Variants in ZNF614 observed in about 807,000 individuals in gnomAD.
The protein encoded by ZNF614 is zinc finger protein 614.
ZNF614 carries 11 observed loss-of-function variants against 12.8 expected under a neutral mutation model. The ratio of observed to expected loss-of-function variants is 0.86; its 90% confidence interval spans 0.54 to 1.43. The LOEUF (loss-of-function observed/expected upper bound fraction) is 1.43, where lower values mean the gene tolerates loss of function less well. Ranked by LOEUF, ZNF614 falls within the 40% of genes most tolerant of loss-of-function variation. The probability of loss-of-function intolerance (pLI) is 0.00; values close to 1 mark genes in which losing one functional copy is unlikely to be tolerated. For missense variants in ZNF614, 664 were observed against 708.8 expected (o/e 0.94, Z 0.72); for synonymous variants, 237 against 237.5 (o/e 1.00, Z 0.02).
chr19:52,017,007 C>G lies in ZNF614; in HGVS notation c.591G>C (p.Arg197Ser). Residue 197 changes from arginine to serine, a missense_variant, in exon 5 of 5, where the codon AGG becomes AGC. Physicochemically the swap from Arg to Ser is moderately radical, Grantham distance 110 (BLOSUM62 -1). Coordinates refer to ENST00000270649, the MANE Select transcript of ZNF614 (RefSeq NM_025040.4). ...HTKFQVFKHQ[R>S]TQKIEKPHAC... ...CATGGGGTTTCTCAATTTTCTGAGT[C>G]CTCTGATGCTTGAAGACTTGGAATT... 6.2e-7 allele frequency: 1 copy of G among 1,614,106 alleles called. No individual in the cohort carries two copies. Among genetic ancestry groups the G allele is most frequent in the Non-Finnish European group, 8.5e-7 (1 of 1,180,026 alleles).
intron 4 of ZNF614, chr19:52,017,723 G>T: frequency 2.9e-6 from 1 of 345,026 alleles, no homozygotes; most frequent in Non-Finnish European, 5.2e-6. Context: ...AAAAATCTTA[G>T]CTTATGAGAT....
intron 2 of ZNF614, among the ~76,000 whole-genome samples, chr19:52,024,610 T>C (rs755323525): frequency 1.3e-5 from 2 of 152,202 alleles, no homozygotes; most frequent in African/African-American, 4.8e-5. Flanking sequence ...TCTGTAACCG[T>C]AGCCCTAACC....
Position 52,017,230 on chromosome 19 carries a change from A to T in ZNF614, c.368T>A (p.Ile123Lys), listed in dbSNP as rs1307000615. Residue 123 changes from isoleucine to lysine, a missense_variant, in exon 5 of 5, where the codon ATA (isoleucine) becomes AAA (lysine). Physicochemically the swap from Ile to Lys is moderately radical, Grantham distance 102. Coordinates refer to ENST00000270649, the MANE Select transcript of ZNF614 (RefSeq NM_025040.4). Reference protein sequence around the residue: ...IVHLSKTHFPIVQNHDTFDLY... With the variant: ...IVHLSKTHFPKVQNHDTFDLY... ...GTCAAATGTATCATGATTTTGCACTATAGGAAAATGTGTCTTGCTGAGATG... is the reference window on the plus strand; with the variant it reads ...GTCAAATGTATCATGATTTTGCACTTTAGGAAAATGTGTCTTGCTGAGATG... 13 of 1,614,160 alleles carry T rather than the reference A, an allele frequency of 8.1e-6. No individual in the cohort carries two copies. The highest frequency in any genetic ancestry group is 1.0e-5 in the Non-Finnish European group (12 of 1,180,044).
Position 52,019,257 on chromosome 19 carries a change from G to A in ZNF614, c.16-763C>T, listed in dbSNP as rs192501186. ...ATTATTGGTGAATTGGAATATATAA[G>A]TGGAAATGGCAGAAAATGCAGTACA... On this transcript the variant is annotated intron_variant, in intron 2 of 4. Coordinates refer to ENST00000270649, the MANE Select transcript of ZNF614 (RefSeq NM_025040.4). Among the ~76,000 whole-genome samples, 46 of 152,086 alleles carry A rather than the reference G, an allele frequency of 3.0e-4. 1 individual carries two copies. In the East Asian group the frequency reaches 8.1e-3, roughly 27 times the overall value.
At chr19:52,025,635 C>T in intron 2 of ZNF614, 96 bp downstream of exon 2, 9 of 1,391,320 alleles carry the variant, frequency 6.5e-6, no homozygotes, top group Non-Finnish European at 9.1e-6. Flanking sequence ...TTAATTTCTC[C>T]CTAGAACACA....
intron 2 of ZNF614, among the ~76,000 whole-genome samples, chr19:52,022,320 G>C (rs373432335): frequency 2.0e-5 from 3 of 150,880 alleles, no homozygotes; most frequent in Non-Finnish European, 4.4e-5. Context: ...TGGGAAGTGA[G>C]AAGCGCCTCT....
chr19:52,021,493 T>C (rs1568515091), intron 2 of ZNF614, among the ~76,000 whole-genome samples: 2 of 152,126 alleles, frequency 1.3e-5, no homozygotes, highest in South Asian at 4.1e-4. Flanking sequence ...CACACATCTG[T>C]AATTACAGTA....
In ZNF614 at chr19:52,015,744, A is replaced by G. The variant is rs1244943461; in HGVS notation, c.*96T>C. 4 of 1,184,920 alleles carry G rather than the reference A, an allele frequency of 3.4e-6. No homozygotes were observed. The highest frequency in any genetic ancestry group is 3.1e-5 in the African/African-American group (2 of 65,012). 73.4% of individuals were successfully genotyped at this position (1,184,920 alleles called of 1,614,324 possible). A position where few individuals can be genotyped will look rare whatever the true frequency, so the allele number is the denominator to read the frequency against. Reference sequence around the variant, plus strand: ...CAGGCAGCACCATGTTTATGTTCCAATTGGCTAGAAACACACTGATGTTTA... The same window carrying G: ...CAGGCAGCACCATGTTTATGTTCCAGTTGGCTAGAAACACACTGATGTTTA... On this transcript the variant is annotated 3_prime_UTR_variant, in exon 5 of 5. Coordinates refer to ENST00000270649, the MANE Select transcript of ZNF614 (RefSeq NM_025040.4).
Position 52,026,245 on chromosome 19 carries a change from G to A in ZNF614, c.-216-284C>T, listed in dbSNP as rs566020178. 9.8e-5 allele frequency among the ~76,000 whole-genome samples: 15 copies of A among 152,314 alleles called. No individual in the cohort carries two copies. In the South Asian group the frequency reaches 2.7e-3, roughly 27 times the overall value. The stretch of plus-strand genomic sequence containing the variant: ...GAAAGAGAGATCAGACTGTTACTGT[G>A]TCTATGCAGAAAGAAGTAGACATAA... On this transcript the variant is annotated intron_variant, in intron 1 of 4. Transcript: ENST00000270649.
rs1568513159 is a variant in ZNF614, at chr19:52,015,227, A to G, written c.*613T>C. 6.6e-6 allele frequency: 1 copy of G among 152,338 alleles called. No homozygotes were observed. Among genetic ancestry groups the G allele is most frequent in the African/African-American group, 2.4e-5 (1 of 41,466 alleles). The allele number at this position is 152,338 out of a possible 1,614,324, so 9.4% of individuals were successfully genotyped here. A position where few individuals can be genotyped will look rare whatever the true frequency, so the allele number is the denominator to read the frequency against. On this transcript the variant is annotated 3_prime_UTR_variant, in exon 5 of 5. Transcript: ENST00000270649. ...TGATAGTTTGCTAAAGGTGTTCCAC[A>G]TTTATTTGATAGCATGTTCGGAACA... is the stretch of plus-strand genomic sequence containing the variant.
Position 52,015,266 on chromosome 19 carries a change from T to C in ZNF614, c.*574A>G, listed in dbSNP as rs1172850504. On this transcript the variant is annotated 3_prime_UTR_variant, in exon 5 of 5. Coordinates refer to ENST00000270649, the MANE Select transcript of ZNF614 (RefSeq NM_025040.4). ...ATGTTCGGAACAATTTTACTTTCTA[T>C]GTGATCTCCTGACAAATGATGAAGC... 2 of 152,396 alleles carry C rather than the reference T, an allele frequency of 1.3e-5. No individual in the cohort carries two copies. The highest frequency in any genetic ancestry group is 2.4e-5 in the African/African-American group (1 of 41,468). The allele number at this position is 152,396 out of a possible 1,614,324, so 9.4% of individuals were successfully genotyped here.
In ZNF614 at chr19:52,026,308, T is replaced by C. The variant is rs533609500; in HGVS notation, c.-216-347A>G. Reference sequence around the variant, plus strand: ...TGTTCTGTACTAAGAGAAATTCTTCTGCCTTGAGATGCTGTTAATCTGTAA... The same window carrying C: ...TGTTCTGTACTAAGAGAAATTCTTCCGCCTTGAGATGCTGTTAATCTGTAA... On this transcript the variant is annotated intron_variant, in intron 1 of 4. Coordinates refer to ENST00000270649, the MANE Select transcript of ZNF614 (RefSeq NM_025040.4). 3.3e-5 allele frequency among the ~76,000 whole-genome samples: 5 copies of C among 152,366 alleles called. No homozygotes were observed. The East Asian group carries it at 9.6e-4, about 29-fold the overall frequency.
At position 52,016,322 on chromosome 19, in the gene ZNF614, A is replaced by C. The variant is rs878929021; in HGVS notation, c.1276T>G (p.Ser426Ala). The C allele has an allele frequency of 2.5e-6, 4 of 1,608,894 alleles. No individual in the cohort carries two copies. Among genetic ancestry groups the C allele is most frequent in the Admixed American group, 1.7e-5 (1 of 59,758 alleles). The change falls in exon 5 of 5, where the codon TCT (serine) becomes GCT (alanine). Residue 426 changes from serine (S) to alanine (A), a missense_variant. By Grantham distance (99) the Ser-to-Ala change is moderately conservative. Transcript: ENST00000270649. ...TTACCACATTCATTGCATATGTAAG[A>C]TTTCTCTCCTGTATGAGTTCGCTGA... Reference protein sequence around the residue: ...IHQRTHTGEKSYICNECGKGF... With the variant: ...IHQRTHTGEKAYICNECGKGF...
intron 2 of ZNF614, among the ~76,000 whole-genome samples, chr19:52,023,444 C>T (rs1293686306): frequency 6.6e-6 from 1 of 152,110 alleles, no homozygotes; most frequent in Non-Finnish European, 1.5e-5. Context: ...CCATGCCCAG[C>T]CTGTTCAAGA....
intron 3 of ZNF614, 123 bp from the exon 4 acceptor site, chr19:52,018,226 A>AT: frequency 6.8e-7 from 1 of 1,460,990 alleles, no homozygotes; most frequent in Non-Finnish European, 9.6e-7. Flanking sequence ...AGAAGAGATT[A>AT]TACCACTTTG....
At position 52,016,589 on chromosome 19, in the gene ZNF614, G is replaced by A. The variant is rs1334488176; in HGVS notation, c.1009C>T (p.His337Tyr). The change falls in exon 5 of 5, where the codon CAT (histidine) becomes TAT (tyrosine). Residue 337 changes from histidine to tyrosine, a missense_variant. Physicochemically the swap from His to Tyr is moderately conservative, Grantham distance 83. Coordinates refer to ENST00000270649, the MANE Select transcript of ZNF614 (RefSeq NM_025040.4). ...KSNLIVHQRTHTGEKPYICSE... is the reference protein window; with the variant it reads ...KSNLIVHQRTYTGEKPYICSE... The stretch of plus-strand genomic sequence containing the variant: ...CATATATAGGGTTTCTCCCCTGTAT[G>A]AGTTCGCTGATGTACAATGAGATTG... 1.2e-6 allele frequency: 2 copies of A among 1,614,202 alleles called. No homozygotes were observed. The highest frequency in any genetic ancestry group is 1.7e-6 in the Non-Finnish European group (2 of 1,180,032).
intron 4 of ZNF614, 46 bp from the exon 5 acceptor site, chr19:52,017,405 GATAA>G: frequency 6.5e-7 from 1 of 1,528,398 alleles, no homozygotes. Flanking sequence ...AATTGTATGA[GATAA>G]AAATGCTTAT....
intron 2 of ZNF614, among the ~76,000 whole-genome samples, chr19:52,023,078 C>CAA (rs1206640727): frequency 6.9e-5 from 3 of 43,246 alleles, no homozygotes; most frequent in African/African-American, 2.5e-4. Flanking sequence ...GACGCCATCT[C>CAA]AAAAAAAAAA....
chr19:52,016,622 C>G lies in ZNF614; in HGVS notation c.976G>C (p.Val326Leu). ...VCKECGKGFT[V>L]KSNLIVHQRT... ...TGATGTACAATGAGATTGCTCTTCA[C>G]AGTGAAACCTTTTCCACATTCTTTG... Residue 326 changes from valine (V) to leucine (L), a missense_variant, in exon 5 of 5, where the codon GTG becomes CTG. Physicochemically the swap from Val to Leu is conservative, Grantham distance 32 (BLOSUM62 1). Coordinates refer to ENST00000270649, the MANE Select transcript of ZNF614 (RefSeq NM_025040.4). 2 of 1,614,176 alleles carry G rather than the reference C, an allele frequency of 1.2e-6. No individual in the cohort carries two copies. Among genetic ancestry groups the G allele is most frequent in the Non-Finnish European group, 1.7e-6 (2 of 1,180,020 alleles).
Sources: gnomAD v4.1 joint callset for allele counts (sites outside exome capture counted in the v4.1 genomes callset) on GRCh38, gnomAD v4.1.1 for gene constraint, MANE v1.5 for transcripts, NCBI Gene and HGNC (gene_info 2026-07-23, HGNC 2026-07-21) for gene names.